IGF2BP3: variants seen among roughly 807,000 people sequenced by gnomAD.
IGF2BP3 encodes the protein insulin-like growth factor 2 mRNA-binding protein 3.
IGF2BP3 carries 9 observed loss-of-function variants against 73.8 expected under a neutral mutation model. The ratio of observed to expected loss-of-function variants is 0.12; its 90% CI spans 0.07 to 0.21. The LOEUF (loss-of-function observed/expected upper bound fraction) is 0.21, where lower values mean the gene tolerates loss of function less well. Among genes scored for constraint, IGF2BP3 ranks in the 10% least tolerant of loss-of-function variants. The pLI, the probability that IGF2BP3 is intolerant of heterozygous loss-of-function variation, is 1.00. For missense variants in IGF2BP3, 542 were observed against 714.0 expected, an observed-to-expected ratio of 0.76 and a Z score of 2.75; for synonymous variants, 258 against 256.7, an observed-to-expected ratio of 1.01 and a Z score of -0.05.
intron 2 of IGF2BP3, among the ~76,000 whole-genome samples, chr7:23,458,883 C>T (rs1189787321): frequency 6.6e-6 from 1 of 152,178 alleles, no homozygotes; most frequent in Non-Finnish European, 1.5e-5. Flanking sequence ...CTTGCCACTG[C>T]AAACATGATT....
In IGF2BP3 at chr7:23,311,090, C is replaced by G. The variant is rs1783814533; in HGVS notation, c.*1272G>C. 1 of 151,840 alleles carries G rather than the reference C, an allele frequency of 6.6e-6. No individual in the cohort carries two copies. Among genetic ancestry groups the G allele is most frequent in the Non-Finnish European group, 1.5e-5 (1 of 67,968 alleles). The allele number at this position is 151,840 out of a possible 1,614,324, so 9.4% of individuals were successfully genotyped here. ...CACAGTATACAGAAATCCTGTTATA[C>G]TTTACTACTTAAGGTGGAGTCTAAT... is the stretch of plus-strand genomic sequence containing the variant. On this transcript the variant is annotated 3_prime_UTR_variant, in exon 15 of 15. Coordinates refer to ENST00000258729, the MANE Select transcript of IGF2BP3 (RefSeq NM_006547.3).
chr7:23,394,086 T>A (rs1187053659), intron 3 of IGF2BP3, among the ~76,000 whole-genome samples: 1 of 152,090 alleles, frequency 6.6e-6, no homozygotes, highest in Non-Finnish European at 1.5e-5. Flanking sequence ...AAATTATTAG[T>A]GTTATAGGTT....
intron 10 of IGF2BP3, among the ~76,000 whole-genome samples, chr7:23,330,028 G>C (rs1157502486): frequency 2.0e-5 from 3 of 152,170 alleles, no homozygotes; most frequent in African/African-American, 7.2e-5. Flanking sequence ...GCTCACGCCT[G>C]TAATCCCAGC....
intron 13 of IGF2BP3, 65 bp downstream of exon 13, chr7:23,313,457 A>G: frequency 1.3e-6 from 2 of 1,525,058 alleles, no homozygotes; most frequent in Non-Finnish European, 1.8e-6. Flanking sequence ...GGGACTTGGA[A>G]CTCCTAAGTA....
chr7:23,352,237 C>T (rs1192649774), intron 5 of IGF2BP3, among the ~76,000 whole-genome samples: 2 of 151,238 alleles, frequency 1.3e-5, no homozygotes, highest in African/African-American at 4.9e-5. Flanking sequence ...AGAGTGTGCC[C>T]ATTCTACCAC....
chr7:23,330,691 G>A (rs920646507), intron 10 of IGF2BP3, among the ~76,000 whole-genome samples: 2 of 151,616 alleles, frequency 1.3e-5, no homozygotes, highest in East Asian at 3.9e-4. Flanking sequence ...TGATCCGCCC[G>A]CCTTGGCCTC....
At chr7:23,323,908 T>C (rs533605820) in intron 10 of IGF2BP3, among the ~76,000 whole-genome samples, 5,543 of 150,954 alleles carry the variant, frequency 0.037, 328 homozygotes, top group African/African-American at 0.12. Context: ...ATCTCTGGGA[T>C]GCATTCAAAG....
At chr7:23,411,730 C>T (rs1178454708) in intron 3 of IGF2BP3, among the ~76,000 whole-genome samples, 1 of 152,166 alleles carries the variant, frequency 6.6e-6, no homozygotes, top group Non-Finnish European at 1.5e-5. Context: ...AAGATGCCAA[C>T]ATCCAGCAGG....
At chr7:23,420,790 AT>A (rs1181560523) in intron 2 of IGF2BP3, among the ~76,000 whole-genome samples, 2 of 152,198 alleles carry the variant, frequency 1.3e-5, no homozygotes, top group African/African-American at 4.8e-5. Flanking sequence ...CTTTTACATT[AT>A]TTTCATGACA....
At chr7:23,391,711 GAA>G (rs1192104501) in intron 3 of IGF2BP3, among the ~76,000 whole-genome samples, 2 of 152,156 alleles carry the variant, frequency 1.3e-5, no homozygotes, top group Admixed American at 6.5e-5. Context: ...GATTGCAAAT[GAA>G]AAAGTCTTTT....
rs1334342831 is a variant in IGF2BP3 at position 23,310,446 on chromosome 7, T to TA, written c.*1915dup. On this transcript the variant is annotated 3_prime_UTR_variant, in exon 15 of 15. Transcript: ENST00000258729. ...ATATGACAGAATTTAAACCAGCAGATATAAATGCAGCACCTATGTGTATAT... is the reference window on the plus strand; with the variant it reads ...ATATGACAGAATTTAAACCAGCAGATAATAAATGCAGCACCTATGTGTATAT... The TA allele has an allele frequency of 1.3e-5, 2 of 152,190 alleles. No homozygotes were observed. The highest frequency in any genetic ancestry group is 2.4e-5 in the African/African-American group (1 of 41,438). 9.4% of individuals were successfully genotyped at this position (152,190 alleles called of 1,614,324 possible). A position where few individuals can be genotyped will look rare whatever the true frequency, so the allele number is the denominator to read the frequency against.
At chr7:23,407,036 G>A (rs1048620805) in intron 3 of IGF2BP3, among the ~76,000 whole-genome samples, 1 of 151,954 alleles carries the variant, frequency 6.6e-6, no homozygotes, top group Non-Finnish European at 1.5e-5. Context: ...GCTCTGCAAG[G>A]CTGATGAAGA....
chr7:23,318,415 G>A (rs563329208), intron 11 of IGF2BP3, among the ~76,000 whole-genome samples: 2 of 152,070 alleles, frequency 1.3e-5, no homozygotes, highest in South Asian at 2.1e-4. Flanking sequence ...TGTAGAGATG[G>A]GGTCTCACCA....
At chr7:23,370,621 G>C (rs1363280389) in intron 3 of IGF2BP3, among the ~76,000 whole-genome samples, 4 of 151,998 alleles carry the variant, frequency 2.6e-5, no homozygotes, top group African/African-American at 9.7e-5. Flanking sequence ...TTAAAAAGGA[G>C]TCACACTATT....
chr7:23,405,765 C>A (rs756887815), intron 3 of IGF2BP3, among the ~76,000 whole-genome samples: 3 of 152,110 alleles, frequency 2.0e-5, no homozygotes, highest in Non-Finnish European at 4.4e-5. Flanking sequence ...CTTCCCCAAC[C>A]ATGAAAAAAT....
chr7:23,434,333 A>G (rs996369047), intron 2 of IGF2BP3, among the ~76,000 whole-genome samples: 1 of 152,192 alleles, frequency 6.6e-6, no homozygotes, highest in Non-Finnish European at 1.5e-5. Flanking sequence ...GGAAAGTTGC[A>G]GTTGATCATT....
chr7:23,396,727 C>A (rs1027693796), intron 3 of IGF2BP3, among the ~76,000 whole-genome samples: 7 of 152,020 alleles, frequency 4.6e-5, no homozygotes, highest in East Asian at 3.9e-4. Context: ...CAAATGGATT[C>A]TTGGCAAAGA....
intron 2 of IGF2BP3, among the ~76,000 whole-genome samples, chr7:23,438,000 C>T (rs146061329): frequency 1.3e-5 from 2 of 152,222 alleles, no homozygotes; most frequent in Non-Finnish European, 2.9e-5. Flanking sequence ...TAGATGAATA[C>T]TATTTGGCTT....
At chr7:23,414,106 T>G (rs980396039) in intron 3 of IGF2BP3, 3 of 151,588 alleles carry the variant, frequency 2.0e-5, no homozygotes, top group Admixed American at 2.0e-4. Context: ...GCCGAGATTG[T>G]GCCACTGCAC....
Sources: gnomAD v4.1 joint callset for allele counts (sites outside exome capture counted in the v4.1 genomes callset) on GRCh38, gnomAD v4.1.1 for gene constraint, MANE v1.5 for transcripts, NCBI Gene and HGNC (gene_info 2026-07-23, HGNC 2026-07-21) for gene names.